The following SLC35F1 variants were observed in gnomAD, a reference collection of about 807,000 sequenced individuals.
SLC35F1 encodes chromosome 6 open reading frame 169.
Under a neutral mutation model 48.7 loss-of-function variants are expected in SLC35F1, and 14 were observed. That is an observed-to-expected ratio of 0.29 (90% CI 0.19 to 0.45). The LOEUF (loss-of-function observed/expected upper bound fraction) is 0.45, where lower values mean the gene tolerates loss of function less well. Ranked by LOEUF, SLC35F1 falls within the 20% of genes least tolerant of loss-of-function variation. The pLI, the probability that SLC35F1 is intolerant of heterozygous loss-of-function variation, is 1.00. For missense variants in SLC35F1, 404 were observed against 500.0 expected, an observed-to-expected ratio of 0.81 and a Z score of 1.83; for synonymous variants, 190 against 202.2, an observed-to-expected ratio of 0.94 and a Z score of 0.51.
intron 7 of SLC35F1, among the ~76,000 whole-genome samples, chr6:118,304,119 TC>T (rs1776285202): frequency 1.3e-5 from 2 of 152,184 alleles, no homozygotes; most frequent in Admixed American, 1.3e-4. Context: ...TCATATATGC[TC>T]ATGGGTGCTC....
chr6:118,009,224 G>T (rs1001125002), intron 1 of SLC35F1, among the ~76,000 whole-genome samples: 2 of 152,122 alleles, frequency 1.3e-5, no homozygotes, highest in African/African-American at 4.8e-5. Context: ...TCTGGCTTCT[G>T]CCTTCATGGA....
At chr6:117,924,820 A>C (rs1315170117) in intron 1 of SLC35F1, among the ~76,000 whole-genome samples, 1 of 152,152 alleles carries the variant, frequency 6.6e-6, no homozygotes, top group South Asian at 2.1e-4. Context: ...TACATTTTTG[A>C]TATCATTTGT....
At chr6:117,989,427 G>A (rs1776889472) in intron 1 of SLC35F1, among the ~76,000 whole-genome samples, 1 of 152,176 alleles carries the variant, frequency 6.6e-6, no homozygotes, top group African/African-American at 2.4e-5. Context: ...GAAGTGGCAT[G>A]TCTGGGAGAA....
At chr6:117,984,923 T>A (rs1253271171) in intron 1 of SLC35F1, among the ~76,000 whole-genome samples, 1 of 152,214 alleles carries the variant, frequency 6.6e-6, no homozygotes, top group East Asian at 1.9e-4. Flanking sequence ...CTAAACTGCA[T>A]CTCTCATTGG....
At chr6:118,071,063 CGT>C (rs1772709944) in intron 1 of SLC35F1, among the ~76,000 whole-genome samples, 4 of 560 alleles carry the variant, frequency 7.1e-3, no homozygotes, top group Non-Finnish European at 9.4e-3. Flanking sequence ...ATATATTCTA[CGT>C]ATATATACTA....
intron 1 of SLC35F1, among the ~76,000 whole-genome samples, chr6:117,995,696 GCAC>G (rs1776976590): frequency 6.6e-6 from 1 of 151,858 alleles, no homozygotes; most frequent in Admixed American, 6.6e-5. Flanking sequence ...AGCCTAGATT[GCAC>G]CACTGCACTC....
intron 1 of SLC35F1, among the ~76,000 whole-genome samples, chr6:117,949,952 C>A (rs1032004196): frequency 3.9e-5 from 6 of 152,194 alleles, no homozygotes; most frequent in Admixed American, 6.5e-5. Context: ...CTAGAATCGT[C>A]CCCCACCCAC....
At position 118,070,922 on chromosome 6, in the gene SLC35F1, A is replaced by AATATATATACTATATATACATAGTAT. The variant is rs1562280752; in HGVS notation, c.174-83515_174-83490dup. On this transcript the variant is annotated intron_variant, in intron 1 of 7. Coordinates refer to ENST00000360388, the MANE Select transcript of SLC35F1 (RefSeq NM_001029858.4). ...ATATACTATATATATATACATAGTA[A>AATATATATACTATATATACATAGTAT]ATATATATACTATATATACATAGTA... Among the ~76,000 whole-genome samples the AATATATATACTATATATACATAGTAT allele has an allele frequency of 4.0e-4, 42 of 104,102 alleles. 4 individuals carry two copies. The highest frequency in any genetic ancestry group is 1.6e-3 in the African/African-American group (42 of 26,456). The allele number at this position is 104,102 out of a possible 152,430, so 68.3% of individuals were successfully genotyped here.
At chr6:118,123,375 T>C (rs1307611234) in intron 1 of SLC35F1, among the ~76,000 whole-genome samples, 4 of 152,072 alleles carry the variant, frequency 2.6e-5, no homozygotes, top group African/African-American at 4.8e-5. Context: ...TCCAAGGTAA[T>C]ACATTTGGTA....
intron 1 of SLC35F1, among the ~76,000 whole-genome samples, chr6:118,092,510 G>T (rs1461545065): frequency 6.6e-6 from 1 of 152,216 alleles, no homozygotes; most frequent in South Asian, 2.1e-4. Context: ...CCCCACTGGG[G>T]CACTGCATAG....
At chr6:117,909,015 A>G (rs1425409314) in intron 1 of SLC35F1, among the ~76,000 whole-genome samples, 1 of 152,240 alleles carries the variant, frequency 6.6e-6, no homozygotes, top group Non-Finnish European at 1.5e-5. Flanking sequence ...TTTTGGGAGT[A>G]TAGTTTAATT....
At chr6:118,219,331 AGATCACAGAGC>A (rs1775116006) in intron 2 of SLC35F1, among the ~76,000 whole-genome samples, 1 of 152,196 alleles carries the variant, frequency 6.6e-6, no homozygotes, top group Admixed American at 6.5e-5. Context: ...TAACAGAAAA[AGATCACAGAGC>A]AGAGTCTTTG....
chr6:118,149,150 G>A (rs147159291), intron 1 of SLC35F1, among the ~76,000 whole-genome samples: 35 of 152,268 alleles, frequency 2.3e-4, no homozygotes, highest in Non-Finnish European at 4.6e-4. Context: ...AGTGCCAATA[G>A]TGATAGGGAA....
intron 2 of SLC35F1, among the ~76,000 whole-genome samples, chr6:118,222,181 G>T (rs1775160526): frequency 6.6e-6 from 1 of 152,252 alleles, no homozygotes; most frequent in South Asian, 2.1e-4. Context: ...AAAGTCTGGG[G>T]TGGGCCTGAG....
intron 3 of SLC35F1, among the ~76,000 whole-genome samples, chr6:118,240,085 A>G (rs1775417723): frequency 6.6e-6 from 1 of 152,232 alleles, no homozygotes; most frequent in African/African-American, 2.4e-5. Flanking sequence ...CATAAAGAAG[A>G]CACGTTTATT....
intron 1 of SLC35F1, among the ~76,000 whole-genome samples, chr6:118,059,020 T>C (rs1772500319): frequency 6.6e-6 from 1 of 152,232 alleles, no homozygotes; most frequent in East Asian, 1.9e-4. Context: ...ATTTTAAGAA[T>C]AATTTAATTA....
intron 2 of SLC35F1, among the ~76,000 whole-genome samples, chr6:118,191,945 G>A (rs1215411541): frequency 6.6e-6 from 1 of 152,110 alleles, no homozygotes; most frequent in Admixed American, 6.5e-5. Flanking sequence ...CAATTTATTA[G>A]TCACCACACC....
At chr6:118,172,223 A>G (rs970101586) in intron 2 of SLC35F1, among the ~76,000 whole-genome samples, 1 of 152,088 alleles carries the variant, frequency 6.6e-6, no homozygotes, top group African/African-American at 2.4e-5. Context: ...ACCCTTGGAC[A>G]TCTTCCAACA....
At chr6:118,234,126 C>T (rs1358503695) in intron 2 of SLC35F1, among the ~76,000 whole-genome samples, 1 of 152,166 alleles carries the variant, frequency 6.6e-6, no homozygotes, top group Non-Finnish European at 1.5e-5. Context: ...CAATGTTCTT[C>T]TGAGGCTTTG....
Sources: allele counts gnomAD v4.1 joint callset (sites outside exome capture counted in the v4.1 genomes callset), GRCh38; gene constraint gnomAD v4.1.1; transcripts MANE v1.5; gene names NCBI Gene and HGNC (gene_info 2026-07-23, HGNC 2026-07-21).